GREB1L: variants seen among roughly 807,000 people sequenced by gnomAD.
GREB1L encodes the protein GREB1 like retinoic acid receptor coactivator, also known as GREB1-like protein.
In GREB1L, 17 loss-of-function variants were observed where a neutral mutation model predicts 200.8. The observed-to-expected ratio is 0.08, with a 90% CI of 0.06 to 0.13. The LOEUF is 0.13. GREB1L is among the 10% of genes least tolerant of loss of function. GREB1L has a pLI of 1.00. For missense variants in GREB1L, 1,657 were observed against 2,367.7 expected (o/e 0.70, Z 6.23); for synonymous variants, 789 against 893.0 (o/e 0.88, Z 2.08).
In GREB1L at chr18:21,499,765, C is replaced by T. The variant is rs1327202321; in HGVS notation, c.3428C>T (p.Thr1143Ile). Residue 1143 changes from threonine (T) to isoleucine (I), a missense_variant, in exon 22 of 33, where the codon ACA (threonine) becomes ATA (isoleucine). This residue lies in a region of GREB1L where 512 missense variants were observed against 668.3 expected (regional missense o/e 0.77). Transcript: ENST00000424526. Reference protein sequence around the residue: ...IMENGVSSSSTADKSQKQSLT... With the variant: ...IMENGVSSSSIADKSQKQSLT... ...GAGAATGGAGTGAGCTCTTCCAGCA[C>T]AGCTGACAAGTCCCAGAAGCAGTCC... is the stretch of plus-strand genomic sequence containing the variant. The T allele has an allele frequency of 6.4e-7, 1 of 1,552,094 alleles. No homozygotes were observed.
Position 21,496,535 on chromosome 18 carries a change from A to C in GREB1L, c.3228A>C (p.Ala1076=). 6.4e-7 allele frequency: 1 copy of C among 1,551,726 alleles called. No homozygotes were observed. Among genetic ancestry groups the C allele is most frequent in the Non-Finnish European group, 8.7e-7 (1 of 1,147,014 alleles). The change falls in exon 21 of 33, where the codon GCA becomes GCC. Residue 1076 remains alanine (A), a synonymous_variant. Transcript: ENST00000424526. ...CCTTGGAGCAGGAGGTGGGTCTGGC[A>C]TGCTGCTATGTCTCAAAAGAGGTCA... is the stretch of plus-strand genomic sequence containing the variant. ...RTALEQEVGL[A]CCYVSKEVIR...
intron 7 of GREB1L, among the ~76,000 whole-genome samples, chr18:21,436,662 G>C (rs1237498930): frequency 2.8e-5 from 4 of 140,552 alleles, no homozygotes; most frequent in African/African-American, 1.1e-4. Flanking sequence ...TCCCAGAAAA[G>C]TTCAGTGGTG....
At chr18:21,429,109 CCCTT>C (rs138864682) in intron 7 of GREB1L, among the ~76,000 whole-genome samples, 2,060 of 109,932 alleles carry the variant, frequency 0.019, 45 homozygotes, top group African/African-American at 0.047. Context: ...AAACTATTCT[CCCTT>C]CCTTCCTTCC....
At position 21,508,299 on chromosome 18, in the gene GREB1L, C is replaced by T. The variant is rs761303220; in HGVS notation, c.4530+20C>T. 6.4e-7 allele frequency: 1 copy of T among 1,551,526 alleles called. No individual in the cohort carries two copies. On this transcript the variant is annotated intron_variant, in intron 26 of 32. Coordinates refer to ENST00000424526, the MANE Select transcript of GREB1L (RefSeq NM_001142966.3). ...GACAAGGTGGGTGAGAGCATCTGGA[C>T]TGGCAGGCACCAGACCTAGTTCTTT... is the stretch of plus-strand genomic sequence containing the variant.
intron 7 of GREB1L, among the ~76,000 whole-genome samples, chr18:21,408,249 C>T (rs1270869745): frequency 6.6e-6 from 1 of 152,032 alleles, no homozygotes; most frequent in Non-Finnish European, 1.5e-5. Context: ...CAGTTATTAT[C>T]TGTCAATGAA....
intron 7 of GREB1L, among the ~76,000 whole-genome samples, chr18:21,420,996 A>C (rs2032099560): frequency 6.6e-6 from 1 of 152,194 alleles, no homozygotes; most frequent in Non-Finnish European, 1.5e-5. Context: ...TGAGTGAAAA[A>C]AGCCAGACCA....
intron 2 of GREB1L, among the ~76,000 whole-genome samples, chr18:21,373,522 T>G (rs759028105): frequency 3.3e-5 from 5 of 152,118 alleles, no homozygotes; most frequent in Non-Finnish European, 7.3e-5. Context: ...TCAGTAGAGA[T>G]AGAGTTTCAC....
chr18:21,400,727 T>C (rs375102740), intron 5 of GREB1L, among the ~76,000 whole-genome samples: 1 of 152,200 alleles, frequency 6.6e-6, no homozygotes, highest in Non-Finnish European at 1.5e-5. Context: ...GCTGTGGCCA[T>C]GGAGGCAAGT....
At chr18:21,327,884 T>G (rs1226649326) in intron 1 of GREB1L, among the ~76,000 whole-genome samples, 1 of 151,930 alleles carries the variant, frequency 6.6e-6, no homozygotes, top group Non-Finnish European at 1.5e-5. Context: ...GGTTAATTTT[T>G]TTTGTATTTT....
intron 1 of GREB1L, among the ~76,000 whole-genome samples, chr18:21,253,101 C>T (rs1028823282): frequency 1.4e-4 from 22 of 152,122 alleles, no homozygotes; most frequent in Non-Finnish European, 2.1e-4. Flanking sequence ...ATAGATCAAT[C>T]TACCCTGAGA....
chr18:21,280,556 C>T (rs1423634324), intron 1 of GREB1L, among the ~76,000 whole-genome samples: 1 of 152,048 alleles, frequency 6.6e-6, no homozygotes, highest in East Asian at 1.9e-4. Flanking sequence ...AAGGTTTCAA[C>T]TTGTGGGTAA....
At chr18:21,294,343 A>G (rs2038495494) in intron 1 of GREB1L, among the ~76,000 whole-genome samples, 1 of 152,180 alleles carries the variant, frequency 6.6e-6, no homozygotes, top group African/African-American at 2.4e-5. Context: ...CCTCCAATAC[A>G]GGTCCCTATA....
intron 1 of GREB1L, among the ~76,000 whole-genome samples, chr18:21,251,320 A>G (rs926739806): frequency 3.3e-5 from 5 of 152,166 alleles, no homozygotes; most frequent in East Asian, 1.9e-4. Context: ...AGTACTGTAT[A>G]TGTGCTATCA....
intron 1 of GREB1L, among the ~76,000 whole-genome samples, chr18:21,345,677 A>G (rs2039333841): frequency 1.3e-5 from 2 of 152,084 alleles, no homozygotes; most frequent in African/African-American, 4.8e-5. Context: ...GTTCAAGACC[A>G]GCCTGGCCAA....
chr18:21,267,110 G>A (rs1401298002), intron 1 of GREB1L, among the ~76,000 whole-genome samples: 2 of 149,446 alleles, frequency 1.3e-5, no homozygotes, highest in Non-Finnish European at 3.0e-5. Flanking sequence ...ATCTTTGTAT[G>A]TTTAGTAGAG....
intron 4 of GREB1L, among the ~76,000 whole-genome samples, chr18:21,389,272 G>T (rs1220661229): frequency 2.7e-5 from 4 of 149,752 alleles, no homozygotes; most frequent in Middle Eastern, 3.5e-3. Flanking sequence ...TTCAGTTTTG[G>T]ACATTGGGAT....
chr18:21,257,206 G>A (rs1471927748), intron 1 of GREB1L, among the ~76,000 whole-genome samples: 1 of 151,988 alleles, frequency 6.6e-6, no homozygotes, highest in East Asian at 1.9e-4. Flanking sequence ...CTGACCTGGT[G>A]ATCCGCCCGC....
intron 1 of GREB1L, among the ~76,000 whole-genome samples, chr18:21,339,018 G>A (rs767513762): frequency 8.5e-5 from 13 of 152,154 alleles, no homozygotes; most frequent in South Asian, 4.1e-4. Context: ...GCAAAACCCC[G>A]TCTCTACTAA....
At chr18:21,519,520 A>G (rs1325095095) in intron 31 of GREB1L, among the ~76,000 whole-genome samples, 1 of 152,188 alleles carries the variant, frequency 6.6e-6, no homozygotes, top group East Asian at 1.9e-4. Flanking sequence ...TATTTATGTA[A>G]GTACTGTAAA....
Sources: gnomAD v4.1 joint callset for allele counts (sites outside exome capture counted in the v4.1 genomes callset) on GRCh38, gnomAD v4.1.1 for gene constraint, gnomAD v4.1.1 regional missense constraint, MANE v1.5 for transcripts, NCBI Gene and HGNC (gene_info 2026-07-23, HGNC 2026-07-21) for gene names.